MYH15: variants seen among roughly 807,000 people sequenced by gnomAD.
The protein encoded by MYH15 is myosin-15.
In MYH15, 227 loss-of-function variants were observed where a neutral mutation model predicts 240.5. The observed-to-expected ratio is 0.94, with a 90% CI of 0.85 to 1.05. The LOEUF (loss-of-function observed/expected upper bound fraction) is 1.05, where lower values mean the gene tolerates loss of function less well. Ranked by LOEUF, MYH15 falls within the 50% of genes least tolerant of loss-of-function variation. The pLI, the probability that MYH15 is intolerant of heterozygous loss-of-function variation, is 0.00. For missense variants in MYH15, 2,217 were observed against 2,247.5 expected (o/e 0.99, Z 0.27); for synonymous variants, 785 against 796.7 (o/e 0.99, Z 0.25).
chr3:108,399,044 C>T, intron 34 of MYH15, 31 bp downstream of exon 34: 1 of 1,597,550 alleles, frequency 6.3e-7, no homozygotes, highest in Non-Finnish European at 8.6e-7. Context: ...TTTTCCACCC[C>T]TCCCTACCCC....
intron 1 of MYH15, among the ~76,000 whole-genome samples, chr3:108,520,002 T>C (rs529717323): frequency 3.9e-5 from 6 of 152,190 alleles, no homozygotes; most frequent in Non-Finnish European, 5.9e-5. Flanking sequence ...AAAACTAGAA[T>C]ATTATGTATT....
chr3:108,550,608 T>C, the MYH15 span: 2 of 151,704 alleles, frequency 1.3e-5, no homozygotes, highest in Non-Finnish European at 1.5e-5. Context: ...TTAGAAATTA[T>C]GCTACAGCAG....
At chr3:108,458,234 G>A (rs1214385888) in intron 18 of MYH15, among the ~76,000 whole-genome samples, 3 of 152,078 alleles carry the variant, frequency 2.0e-5, no homozygotes, top group Non-Finnish European at 1.5e-5. Flanking sequence ...AAGTTGACTC[G>A]ATGGGAAGCA....
At chr3:108,384,138 T>A (rs946022958) in intron 39 of MYH15, among the ~76,000 whole-genome samples, 4 of 152,160 alleles carry the variant, frequency 2.6e-5, no homozygotes, top group Admixed American at 6.5e-5. Context: ...ACAGGTAGTG[T>A]TTTAGGCCAA....
chr3:108,470,838 C>A lies in MYH15; in HGVS notation c.1243G>T (p.Ala415Ser), dbSNP rs773455934. ...RGQTIEQVTCAVGALSKSMYE... is the reference protein window; with the variant it reads ...RGQTIEQVTCSVGALSKSMYE... ...ATTGACTTGGACAGGGCACCGACAG[C>A]ACAGGTTACCTAGAAATCACATTGA... Residue 415 changes from alanine to serine, a missense_variant, in exon 13 of 41, where the codon GCT becomes TCT. Coordinates refer to ENST00000693548, the MANE Select transcript of MYH15 (RefSeq NM_014981.3). 37 of 1,613,188 alleles carry A rather than the reference C, an allele frequency of 2.3e-5. No homozygotes were observed. The highest frequency in any genetic ancestry group is 3.1e-5 in the Non-Finnish European group (36 of 1,179,436).
rs890804674 is a variant in MYH15, at chr3:108,474,454, A to AT, written c.1233+1942dup. Among the ~76,000 whole-genome samples, 113 of 138,738 alleles carry AT rather than the reference A, an allele frequency of 8.1e-4. 1 individual carries two copies. The highest frequency in any genetic ancestry group is 1.4e-3 in the African/African-American group (51 of 37,020). The allele number at this position is 138,738 out of a possible 152,430, so 91.0% of individuals were successfully genotyped here. A position where few individuals can be genotyped will look rare whatever the true frequency, so the allele number is the denominator to read the frequency against. On this transcript the variant is annotated intron_variant, in intron 12 of 40. Coordinates refer to ENST00000693548, the MANE Select transcript of MYH15 (RefSeq NM_014981.3). ...TTCTCAGCCCTCCTAGGGGCTCCTT[A>AT]TTTTTTTTTTTATTTTTTATTTTTG...
chr3:108,479,331 G>A (rs761523481), intron 11 of MYH15, among the ~76,000 whole-genome samples: 1 of 152,152 alleles, frequency 6.6e-6, no homozygotes, highest in African/African-American at 2.4e-5. Flanking sequence ...TAGCTAGAGA[G>A]GTGGTTCTCA....
chr3:108,525,275 AAAT>A (rs2083658327), intron 1 of MYH15, among the ~76,000 whole-genome samples: 1 of 152,144 alleles, frequency 6.6e-6, no homozygotes, highest in Non-Finnish European at 1.5e-5. Flanking sequence ...ACAGATAGAT[AAAT>A]AATGATGAAT....
intron 33 of MYH15, 149 bp downstream of exon 33, chr3:108,405,189 T>C (rs2082537440): frequency 2.3e-6 from 1 of 430,414 alleles, no homozygotes. Context: ...TTATAGATAT[T>C]GTATATAAAA....
At chr3:108,496,891 G>A (rs531789926) in intron 6 of MYH15, among the ~76,000 whole-genome samples, 12 of 151,576 alleles carry the variant, frequency 7.9e-5, no homozygotes, top group East Asian at 7.8e-4. Flanking sequence ...GGCCAGGGGC[G>A]GTGGCTCACG....
chr3:108,479,804 C>G (rs1441858456), intron 11 of MYH15, among the ~76,000 whole-genome samples: 2 of 152,218 alleles, frequency 1.3e-5, no homozygotes, highest in African/African-American at 4.8e-5. Flanking sequence ...ATTTCCAATT[C>G]TGTCCCAGTT....
At chr3:108,549,051 T>C in the MYH15 span, among the ~76,000 whole-genome samples, 2 of 152,006 alleles carry the variant, frequency 1.3e-5, no homozygotes, top group Admixed American at 6.6e-5. Flanking sequence ...CAAGTGTAAA[T>C]AGTAACGGAA....
At chr3:108,447,959 CAT>C (rs1487026674) in intron 21 of MYH15, among the ~76,000 whole-genome samples, 1 of 151,916 alleles carries the variant, frequency 6.6e-6, no homozygotes, top group Admixed American at 6.6e-5. Context: ...ACATAAATAA[CAT>C]AAAATGTGGG....
At position 108,463,249 on chromosome 3, in the gene MYH15, G is replaced by C; in HGVS notation, c.1732-6C>G. The C allele has an allele frequency of 6.3e-7, 1 of 1,599,822 alleles. No homozygotes were observed. The highest frequency in any genetic ancestry group is 8.5e-7 in the Non-Finnish European group (1 of 1,176,098). On this transcript the variant is annotated splice_polypyrimidine_tract_variant and splice_region_variant and intron_variant, in intron 15 of 40. Transcript: ENST00000693548. ...CCACTGATATTATAAGGTACCTTTG[G>C]AAAGGCATGCATTTCAGGTTAAAAA...
intron 7 of MYH15, 127 bp downstream of exon 7, chr3:108,495,653 T>C: frequency 5.4e-6 from 3 of 553,484 alleles, no homozygotes; most frequent in Admixed American, 3.6e-5. Context: ...AAATCTAACA[T>C]TACAGACTTT....
chr3:108,483,951 G>A (rs1179815544), intron 11 of MYH15, among the ~76,000 whole-genome samples: 1 of 152,144 alleles, frequency 6.6e-6, no homozygotes, highest in Non-Finnish European at 1.5e-5. Context: ...GGTTTAATAA[G>A]TACATAGTTT....
intron 37 of MYH15, 111 bp downstream of exon 37, chr3:108,391,649 C>A: frequency 8.5e-7 from 1 of 1,182,004 alleles, no homozygotes. Context: ...GTACTAAAAG[C>A]AAAAGTGATA....
intron 38 of MYH15, among the ~76,000 whole-genome samples, chr3:108,387,630 A>AT (rs2082394125): frequency 6.6e-6 from 1 of 152,240 alleles, no homozygotes; most frequent in South Asian, 2.1e-4. Flanking sequence ...AAATCCAGAC[A>AT]TTAAAGCAGC....
At chr3:108,527,020 T>C (rs921973655) in intron 1 of MYH15, among the ~76,000 whole-genome samples, 1 of 152,194 alleles carries the variant, frequency 6.6e-6, no homozygotes, top group Non-Finnish European at 1.5e-5. Context: ...TTTTCTGCTT[T>C]CAGTTGTTCT....
Sources: gnomAD v4.1 joint callset for allele counts (sites outside exome capture counted in the v4.1 genomes callset) on GRCh38, gnomAD v4.1.1 for gene constraint, MANE v1.5 for transcripts, NCBI Gene and HGNC (gene_info 2026-07-23, HGNC 2026-07-21) for gene names.